The following SH3BGRL2 variants were observed in gnomAD, a reference collection of about 807,000 sequenced individuals.
The protein encoded by SH3BGRL2 is SH3 domain-binding glutamic acid-rich-like protein 2.
In SH3BGRL2, 21 loss-of-function variants were observed where a neutral mutation model predicts 14.8. That is an observed-to-expected ratio of 1.42 (90% confidence interval 1.01 to 2.05). SH3BGRL2 has a LOEUF of 2.05. Among genes scored for constraint, SH3BGRL2 ranks in the 30% most tolerant of loss-of-function variants. The pLI is 0.00. For synonymous variants in SH3BGRL2, 50 were observed against 47.8 expected, an observed-to-expected ratio of 1.05 and a Z score of -0.19; for missense variants, 147 against 130.8, an observed-to-expected ratio of 1.12 and a Z score of -0.61.
chr6:79,664,616 A>G (rs1769619879), intron 1 of SH3BGRL2, among the ~76,000 whole-genome samples: 1 of 152,190 alleles, frequency 6.6e-6, no homozygotes, highest in Non-Finnish European at 1.5e-5. Context: ...CAGACCAACC[A>G]GTGTCCCACA....
the SH3BGRL2 span, among the ~76,000 whole-genome samples, chr6:79,550,145 C>T: frequency 2.8e-4 from 42 of 151,942 alleles, no homozygotes; most frequent in African/African-American, 9.7e-4. Context: ...TAGTTATTAA[C>T]AAAATGTCAT....
chr6:79,607,696 G>C, the SH3BGRL2 span, among the ~76,000 whole-genome samples: 1 of 152,124 alleles, frequency 6.6e-6, no homozygotes, highest in African/African-American at 2.4e-5. Flanking sequence ...TGTAATCCCA[G>C]AACTTTGGGA....
chr6:79,614,833 T>C, the SH3BGRL2 span, among the ~76,000 whole-genome samples: 39 of 152,092 alleles, frequency 2.6e-4, 1 homozygote, highest in East Asian at 5.4e-3. Context: ...GGACTGAGAC[T>C]GAAACCCAGG....
the SH3BGRL2 span, among the ~76,000 whole-genome samples, chr6:79,554,536 G>C: frequency 6.6e-6 from 1 of 152,206 alleles, no homozygotes; most frequent in South Asian, 2.1e-4. Context: ...TTTGAAATTT[G>C]TAATTCAAAT....
At position 79,701,544 on chromosome 6, in the gene SH3BGRL2, A is replaced by G. The variant is rs767052650; in HGVS notation, c.*2035A>G. ...TATACCTATTATGATTATAGTAAAC[A>G]GACTAGTGGGTAGTAATGCTAAATT... On this transcript the variant is annotated 3_prime_UTR_variant, in exon 4 of 4. Transcript: ENST00000369838. 1.3e-5 allele frequency: 2 copies of G among 152,012 alleles called. No individual in the cohort carries two copies. Among genetic ancestry groups the G allele is most frequent in the Non-Finnish European group, 2.9e-5 (2 of 68,010 alleles). 9.4% of individuals were successfully genotyped at this position (152,012 alleles called of 1,614,324 possible). A position where few individuals can be genotyped will look rare whatever the true frequency, so the allele number is the denominator to read the frequency against.
At chr6:79,591,293 G>GT in the SH3BGRL2 span, among the ~76,000 whole-genome samples, 28 of 151,986 alleles carry the variant, frequency 1.8e-4, no homozygotes, top group East Asian at 5.0e-3. Context: ...CAATCTTTTT[G>GT]TTTTTTTAAA....
At chr6:79,555,597 G>A in the SH3BGRL2 span, among the ~76,000 whole-genome samples, 14 of 152,202 alleles carry the variant, frequency 9.2e-5, no homozygotes, top group Admixed American at 5.9e-4. Context: ...TGAAACCTCC[G>A]CCTCCCGGGT....
intron 2 of SH3BGRL2, among the ~76,000 whole-genome samples, chr6:79,681,248 G>GT (rs1190818199): frequency 1.3e-5 from 2 of 152,090 alleles, no homozygotes; most frequent in South Asian, 4.2e-4. Flanking sequence ...ATGGCAAACT[G>GT]TTTTTACCGA....
chr6:79,552,864 A>G, the SH3BGRL2 span: 2 of 152,214 alleles, frequency 1.3e-5, no homozygotes, highest in Non-Finnish European at 2.9e-5. Flanking sequence ...TTCTCAGCAT[A>G]CTATACTGGT....
At chr6:79,684,895 A>G (rs574233617) in intron 2 of SH3BGRL2, among the ~76,000 whole-genome samples, 22 of 152,268 alleles carry the variant, frequency 1.4e-4, no homozygotes, top group South Asian at 1.2e-3. Context: ...TTTTCCTGTA[A>G]ATATTCATAT....
chr6:79,580,332 A>G, the SH3BGRL2 span, among the ~76,000 whole-genome samples: 1 of 152,342 alleles, frequency 6.6e-6, no homozygotes, highest in South Asian at 2.1e-4. Context: ...AAATCAACAG[A>G]ATATACATTC....
the SH3BGRL2 span, among the ~76,000 whole-genome samples, chr6:79,611,164 A>T: frequency 1.3e-5 from 2 of 152,166 alleles, no homozygotes; most frequent in Non-Finnish European, 2.9e-5. Context: ...GAACTCCTCC[A>T]CAAAAGTGAA....
At chr6:79,555,538 G>T in the SH3BGRL2 span, among the ~76,000 whole-genome samples, 1 of 152,184 alleles carries the variant, frequency 6.6e-6, no homozygotes, top group East Asian at 1.9e-4. Flanking sequence ...TTGAGGCGGA[G>T]TCTCAATCTG....
chr6:79,686,418 T>C (rs928848241), intron 2 of SH3BGRL2, among the ~76,000 whole-genome samples: 1 of 152,146 alleles, frequency 6.6e-6, no homozygotes, highest in Non-Finnish European at 1.5e-5. Flanking sequence ...ACTCTTGACT[T>C]ATCTAGTAAT....
At chr6:79,548,036 T>C in the SH3BGRL2 span, among the ~76,000 whole-genome samples, 2 of 152,106 alleles carry the variant, frequency 1.3e-5, no homozygotes, top group East Asian at 3.9e-4. Context: ...GCTAATTTTT[T>C]GTTTTAATTT....
chr6:79,692,991 A>G (rs1309344279), intron 2 of SH3BGRL2, among the ~76,000 whole-genome samples: 2 of 152,142 alleles, frequency 1.3e-5, no homozygotes, highest in Non-Finnish European at 2.9e-5. Context: ...ACCCATGAGC[A>G]TGGAATGTTC....
chr6:79,672,508 A>G (rs1769793655), intron 1 of SH3BGRL2, among the ~76,000 whole-genome samples: 1 of 152,146 alleles, frequency 6.6e-6, no homozygotes, highest in Admixed American at 6.5e-5. Flanking sequence ...TTTCATAACA[A>G]TGTTAACAGT....
At chr6:79,591,058 G>A in the SH3BGRL2 span, among the ~76,000 whole-genome samples, 263 of 152,196 alleles carry the variant, frequency 1.7e-3, no homozygotes, top group African/African-American at 5.9e-3. Flanking sequence ...CGAATATTAA[G>A]TGAGCCAATA....
the SH3BGRL2 span, among the ~76,000 whole-genome samples, chr6:79,600,122 G>A: frequency 6.6e-5 from 10 of 152,300 alleles, no homozygotes; most frequent in South Asian, 2.1e-3. Context: ...ACTGCACAAA[G>A]CTCTCCTCAG....
Sources: gnomAD v4.1 joint callset for allele counts (sites outside exome capture counted in the v4.1 genomes callset) on GRCh38, gnomAD v4.1.1 for gene constraint, MANE v1.5 for transcripts, NCBI Gene and HGNC (gene_info 2026-07-23, HGNC 2026-07-21) for gene names.